Variants in PKN2 observed in about 807,000 individuals in gnomAD.
PKN2 encodes serine/threonine-protein kinase N2.
PKN2 carries 38 observed loss-of-function variants against 119.1 expected under a neutral mutation model. The observed-to-expected ratio is 0.32, with a 90% CI of 0.25 to 0.42. PKN2 has a LOEUF of 0.42. PKN2 is among the 10% of genes least tolerant of loss of function. The pLI is 1.00. For missense variants in PKN2, 850 were observed against 1,165.1 expected, an observed-to-expected ratio of 0.73 and a Z score of 3.94; for synonymous variants, 390 against 384.9, an observed-to-expected ratio of 1.01 and a Z score of -0.15.
intron 19 of PKN2, among the ~76,000 whole-genome samples, chr1:88,831,714 G>A (rs928846304): frequency 1.6e-4 from 24 of 151,998 alleles, no homozygotes; most frequent in African/African-American, 5.8e-4. Context: ...TTAATTGGAA[G>A]CAAGCAGCCA....
At chr1:88,759,300 T>G (rs546005967) in intron 2 of PKN2, among the ~76,000 whole-genome samples, 63 of 152,262 alleles carry the variant, frequency 4.1e-4, no homozygotes, top group Middle Eastern at 3.4e-3. Flanking sequence ...GAGGCAGAGG[T>G]TGCAGTGAGC....
chr1:88,716,802 T>G (rs1350129721), intron 1 of PKN2, among the ~76,000 whole-genome samples: 4 of 152,176 alleles, frequency 2.6e-5, no homozygotes, highest in Non-Finnish European at 5.9e-5. Flanking sequence ...ACATTTAAGG[T>G]TAATATTGTT....
At chr1:88,805,812 T>C (rs770871433) in intron 11 of PKN2, 79 bp from the exon 12 acceptor site, 1 of 1,608,020 alleles carries the variant, frequency 6.2e-7, no homozygotes, top group Non-Finnish European at 8.5e-7. Flanking sequence ...AAAAAGTAAA[T>C]TGTTTGCTTT....
At chr1:88,737,897 T>C (rs1668420452) in intron 1 of PKN2, among the ~76,000 whole-genome samples, 1 of 152,200 alleles carries the variant, frequency 6.6e-6, no homozygotes, top group Non-Finnish European at 1.5e-5. Flanking sequence ...CCCTCTTCAG[T>C]TGATCTTTTC....
At chr1:88,740,893 A>T (rs1004059258) in intron 1 of PKN2, 95 bp from the exon 2 acceptor site, 5 of 713,950 alleles carry the variant, frequency 7.0e-6, no homozygotes, top group Admixed American at 5.8e-5. Context: ...ATGTAATGTA[A>T]TCAAGAAAGA....
chr1:88,705,491 G>A (rs192697140), intron 1 of PKN2, among the ~76,000 whole-genome samples: 53 of 151,842 alleles, frequency 3.5e-4, no homozygotes, highest in African/African-American at 1.3e-3. Flanking sequence ...TCAGGAGATC[G>A]AGACCATCCT....
intron 1 of PKN2, among the ~76,000 whole-genome samples, chr1:88,713,397 T>C (rs1393842840): frequency 6.6e-6 from 1 of 152,186 alleles, no homozygotes; most frequent in Non-Finnish European, 1.5e-5. Context: ...CCACCAACAG[T>C]GTAAAAGTGT....
At chr1:88,686,307 G>T (rs944461968) in intron 1 of PKN2, among the ~76,000 whole-genome samples, 4 of 151,964 alleles carry the variant, frequency 2.6e-5, no homozygotes, top group African/African-American at 9.7e-5. Flanking sequence ...ATTTGGCATT[G>T]GTACTTGTAT....
At chr1:88,746,599 TG>T (rs1412265764) in intron 2 of PKN2, among the ~76,000 whole-genome samples, 1 of 151,888 alleles carries the variant, frequency 6.6e-6, no homozygotes, top group East Asian at 1.9e-4. Context: ...ATCAAAAAAA[TG>T]GAAGGTAAGT....
intron 4 of PKN2, among the ~76,000 whole-genome samples, chr1:88,771,093 T>C (rs1025980461): frequency 6.6e-5 from 10 of 152,088 alleles, no homozygotes; most frequent in African/African-American, 2.4e-4. Context: ...TTTTTTGTTT[T>C]GTTTTATTTA....
At chr1:88,690,168 C>A (rs1666273242) in intron 1 of PKN2, among the ~76,000 whole-genome samples, 2 of 152,150 alleles carry the variant, frequency 1.3e-5, no homozygotes, top group Non-Finnish European at 2.9e-5. Context: ...CAAGTAGGGG[C>A]ACCTTTTAGA....
intron 3 of PKN2, among the ~76,000 whole-genome samples, chr1:88,767,513 A>G (rs1669708884): frequency 1.3e-5 from 2 of 152,162 alleles, no homozygotes; most frequent in Admixed American, 6.5e-5. Context: ...ACAAACCTAG[A>G]TGGTACTAGG....
chr1:88,697,757 A>G (rs942643768), intron 1 of PKN2, among the ~76,000 whole-genome samples: 5 of 152,162 alleles, frequency 3.3e-5, no homozygotes, highest in African/African-American at 4.8e-5. Flanking sequence ...CAGGCATACT[A>G]TGATTAGTGA....
At chr1:88,728,868 T>C (rs2100721780) in intron 1 of PKN2, among the ~76,000 whole-genome samples, 1 of 151,680 alleles carries the variant, frequency 6.6e-6, no homozygotes, top group South Asian at 2.1e-4. Context: ...ATAGCCAATG[T>C]CCAGTGATGT....
intron 1 of PKN2, among the ~76,000 whole-genome samples, chr1:88,713,850 G>A (rs1667338577): frequency 1.3e-5 from 2 of 152,114 alleles, no homozygotes; most frequent in African/African-American, 2.4e-5. Flanking sequence ...TGAAGTCCTT[G>A]CCCATGCCTA....
At chr1:88,733,433 T>G (rs1277255894) in intron 1 of PKN2, among the ~76,000 whole-genome samples, 2 of 152,204 alleles carry the variant, frequency 1.3e-5, no homozygotes, top group Non-Finnish European at 2.9e-5. Flanking sequence ...TTTTGATGAT[T>G]AGTGATGTTG....
chr1:88,722,693 G>T (rs114178252), intron 1 of PKN2, among the ~76,000 whole-genome samples: 1 of 151,930 alleles, frequency 6.6e-6, no homozygotes, highest in East Asian at 1.9e-4. Flanking sequence ...TGAGGTGGGA[G>T]GATCACTTGA....
Position 88,781,964 on chromosome 1 carries a change from T to TTAA in PKN2, c.986-2672_986-2670dup, listed in dbSNP as rs144689497. The stretch of plus-strand genomic sequence containing the variant: ...ATTATTGACACTCCACCTCCCAACG[T>TTAA]TAATAGCCTTATTGAGGTATAGTTT... On this transcript the variant is annotated intron_variant, in intron 6 of 21. Coordinates refer to ENST00000370521, the MANE Select transcript of PKN2 (RefSeq NM_006256.4). Among the ~76,000 whole-genome samples, 654 of 152,272 alleles carry TTAA rather than the reference T, an allele frequency of 4.3e-3. 2 individuals carry two copies. The highest frequency in any genetic ancestry group is 0.015 in the African/African-American group (616 of 41,570).
chr1:88,743,427 T>A (rs1668651199), intron 2 of PKN2, among the ~76,000 whole-genome samples: 1 of 152,276 alleles, frequency 6.6e-6, no homozygotes, highest in Middle Eastern at 3.4e-3. Context: ...TAGATTGAAT[T>A]TGTCTTTCCT....
Sources: gnomAD v4.1 joint callset for allele counts (sites outside exome capture counted in the v4.1 genomes callset) on GRCh38, gnomAD v4.1.1 for gene constraint, MANE v1.5 for transcripts, NCBI Gene and HGNC (gene_info 2026-07-23, HGNC 2026-07-21) for gene names.